Variants in PAK2 observed in about 807,000 individuals in gnomAD.
PAK2 encodes serine/threonine-protein kinase PAK 2.
PAK2 carries 21 observed loss-of-function variants against 65.9 expected under a neutral mutation model. The observed-to-expected ratio is 0.32, with a 90% CI of 0.23 to 0.46. The LOEUF is 0.46. Among genes scored for constraint, PAK2 ranks in the 20% least tolerant of loss-of-function variants. The probability of loss-of-function intolerance (pLI) is 1.00; values close to 1 mark genes in which losing one functional copy is unlikely to be tolerated. For synonymous variants in PAK2, 204 were observed against 219.7 expected, an observed-to-expected ratio of 0.93 and a Z score of 0.63; for missense variants, 324 against 642.6, an observed-to-expected ratio of 0.50 and a Z score of 5.36.
chr3:196,787,541 T>TGC (rs1252791707), intron 2 of PAK2, among the ~76,000 whole-genome samples: 1 of 146,832 alleles, frequency 6.8e-6, no homozygotes, highest in Non-Finnish European at 1.5e-5. Flanking sequence ...ATTGCGCCAC[T>TGC]GCACTCCAGC....
intron 1 of PAK2, among the ~76,000 whole-genome samples, chr3:196,751,667 T>TATATATA (rs1560089766): frequency 1.3e-4 from 6 of 45,080 alleles, no homozygotes; most frequent in African/African-American, 5.0e-4. Context: ...ACAAATTTAT[T>TATATATA]TATATACATA....
Position 196,830,046 on chromosome 3 carries a change from C to T in PAK2, c.*1641C>T, listed in dbSNP as rs573688541. The T allele has an allele frequency of 6.6e-6, 1 of 150,892 alleles. No individual in the cohort carries two copies. The highest frequency in any genetic ancestry group is 2.4e-5 in the African/African-American group (1 of 40,964). 9.3% of individuals were successfully genotyped at this position (150,892 alleles called of 1,614,324 possible). On this transcript the variant is annotated 3_prime_UTR_variant, in exon 15 of 15. Transcript: ENST00000327134. ...ATCCCCTTCCCCCATTAACTTCCCC[C>T]CTGCTTGCCATCCTGCAGTAGTATA...
intron 3 of PAK2, 64 bp downstream of exon 3, chr3:196,802,091 T>A (rs913783067): frequency 1.2e-5 from 11 of 891,726 alleles, no homozygotes; most frequent in Non-Finnish European, 1.3e-5. Context: ...TTTTCCTTCA[T>A]TATTAAATTT....
At chr3:196,772,340 C>T (rs1013227172) in intron 1 of PAK2, among the ~76,000 whole-genome samples, 6 of 152,104 alleles carry the variant, frequency 3.9e-5, no homozygotes, top group African/African-American at 1.2e-4. Context: ...CAGAATCCCT[C>T]GAGAATAAGT....
Position 196,810,613 on chromosome 3 carries a change from C to T in PAK2, c.733C>T (p.Pro245Ser). The T allele has an allele frequency of 6.4e-7, 1 of 1,571,810 alleles. No individual in the cohort carries two copies. Among genetic ancestry groups the T allele is most frequent in the Non-Finnish European group, 8.8e-7 (1 of 1,142,444 alleles). ...KLRTIVSIGDPKKKYTRYEKI... is the reference protein window; with the variant it reads ...KLRTIVSIGDSKKKYTRYEKI... ...AGGAACTATCGTGAGCATAGGTGAC[C>T]CTAAGAAAAAATATACAAGATATGA... The change falls in exon 8 of 15, where the codon CCT becomes TCT. Residue 245 changes from proline to serine, a missense_variant. Physicochemically the swap from Pro to Ser is moderately conservative, Grantham distance 74. Around this residue, in one of 5 missense-constraint regions of PAK2, gnomAD observed 183 missense variants for 246.2 expected, o/e 0.74. Transcript: ENST00000327134.
intron 6 of PAK2, 96 bp downstream of exon 6, chr3:196,806,782 G>C (rs1195582524): frequency 1.3e-6 from 1 of 754,236 alleles, no homozygotes; most frequent in Admixed American, 2.2e-5. Context: ...CTTTTAAAAA[G>C]CCCTCAAGTT....
At chr3:196,827,428 C>T (rs1711914838) in intron 14 of PAK2, 95 bp downstream of exon 14, 1 of 1,522,438 alleles carries the variant, frequency 6.6e-7, no homozygotes, top group Non-Finnish European at 8.8e-7. Flanking sequence ...TTTCACTACT[C>T]ATTGATCACC....
chr3:196,794,114 G>A (rs1189984572), intron 2 of PAK2, among the ~76,000 whole-genome samples: 3 of 152,058 alleles, frequency 2.0e-5, no homozygotes, highest in Non-Finnish European at 4.4e-5. Flanking sequence ...CTGGGCAACA[G>A]TGCAAGACTC....
intron 2 of PAK2, among the ~76,000 whole-genome samples, chr3:196,784,223 CTTTTTTTTTTTTTTA>C (rs1560103022): frequency 8.5e-6 from 1 of 117,748 alleles, no homozygotes; most frequent in Admixed American, 9.3e-5. Flanking sequence ...TTTTTTTTTT[CTTTTTTTTTTTTTTA>C]ATTATACTTT....
At chr3:196,794,091 A>C (rs1417513524) in intron 2 of PAK2, among the ~76,000 whole-genome samples, 1 of 152,224 alleles carries the variant, frequency 6.6e-6, no homozygotes, top group Non-Finnish European at 1.5e-5. Flanking sequence ...AGATTGCGCC[A>C]TTGCACTCCA....
At chr3:196,766,950 G>T (rs1714189718) in intron 1 of PAK2, among the ~76,000 whole-genome samples, 1 of 132,804 alleles carries the variant, frequency 7.5e-6, no homozygotes, top group Non-Finnish European at 1.6e-5. Context: ...GTGTGTGTGT[G>T]TGTGTGTGTG....
At chr3:196,810,347 G>A (rs1317947278) in intron 7 of PAK2, among the ~76,000 whole-genome samples, 1 of 152,008 alleles carries the variant, frequency 6.6e-6, no homozygotes, top group Non-Finnish European at 1.5e-5. Flanking sequence ...TGGAAATAAT[G>A]TGTCTTCTTG....
At chr3:196,741,714 T>C (rs1004996184) in intron 1 of PAK2, among the ~76,000 whole-genome samples, 4 of 152,248 alleles carry the variant, frequency 2.6e-5, no homozygotes, top group Admixed American at 2.0e-4. Context: ...GCTTCAATAC[T>C]GTCATCATTT....
intron 1 of PAK2, among the ~76,000 whole-genome samples, chr3:196,746,037 C>G (rs780466233): frequency 6.6e-6 from 1 of 150,972 alleles, no homozygotes; most frequent in African/African-American, 2.4e-5. Context: ...CCGTATTAGC[C>G]AGGATGGTCT....
intron 1 of PAK2, among the ~76,000 whole-genome samples, chr3:196,780,483 C>T (rs774074553): frequency 7.9e-5 from 12 of 152,166 alleles, no homozygotes; most frequent in Non-Finnish European, 1.3e-4. Context: ...CATCAGATCA[C>T]GTGAGATGTA....
chr3:196,754,080 T>C (rs1334461203), intron 1 of PAK2, among the ~76,000 whole-genome samples: 1 of 152,226 alleles, frequency 6.6e-6, no homozygotes, highest in Admixed American at 6.5e-5. Flanking sequence ...ATTTCTGCTA[T>C]TGCAATCTTA....
At chr3:196,751,982 T>A (rs1718437) in intron 1 of PAK2, among the ~76,000 whole-genome samples, 70,385 of 151,180 alleles carry the variant, frequency 0.47, 16,853 homozygotes, top group Non-Finnish European at 0.53. Flanking sequence ...ACCTCAGGTG[T>A]TCTGCCTGCC....
intron 1 of PAK2, among the ~76,000 whole-genome samples, chr3:196,778,491 G>A (rs1714606257): frequency 1.3e-5 from 2 of 152,150 alleles, no homozygotes. Flanking sequence ...GTTTTTATTA[G>A]GGGATAATTT....
Position 196,818,033 on chromosome 3 carries a change from A to G in PAK2, c.1054-24A>G, listed in dbSNP as rs747752420. On this transcript the variant is annotated intron_variant, in intron 11 of 14. Coordinates refer to ENST00000327134, the MANE Select transcript of PAK2 (RefSeq NM_002577.4). ...GTGTCTTTTCAGGGACTATTTCATTAATAGGTGTTTTTCTTCTGTTCAGTG... is the reference window on the plus strand; with the variant it reads ...GTGTCTTTTCAGGGACTATTTCATTGATAGGTGTTTTTCTTCTGTTCAGTG... 3.2e-6 allele frequency: 3 copies of G among 944,996 alleles called. No homozygotes were observed. In the Admixed American group the frequency reaches 5.2e-5, roughly 16 times the overall value. The allele number at this position is 944,996 out of a possible 1,614,324, so 58.5% of individuals were successfully genotyped here. A position where few individuals can be genotyped will look rare whatever the true frequency, so the allele number is the denominator to read the frequency against.
Sources: gnomAD v4.1 joint callset for allele counts (sites outside exome capture counted in the v4.1 genomes callset) on GRCh38, gnomAD v4.1.1 for gene constraint, gnomAD v4.1.1 regional missense constraint, MANE v1.5 for transcripts, NCBI Gene and HGNC (gene_info 2026-07-23, HGNC 2026-07-21) for gene names.